The following CDH10 variants were observed in gnomAD, a reference collection of about 807,000 sequenced individuals.
CDH10 encodes cadherin 10.
In CDH10, 30 loss-of-function variants were observed where a neutral mutation model predicts 73.1. That is an observed-to-expected ratio of 0.41 (90% CI 0.31 to 0.56). The LOEUF (loss-of-function observed/expected upper bound fraction) is 0.56. Among genes scored for constraint, CDH10 ranks in the 20% least tolerant of loss-of-function variants. The pLI is 0.27. For synonymous variants in CDH10, 345 were observed against 348.2 expected (o/e 0.99, Z 0.10); for missense variants, 815 against 973.7 (o/e 0.84, Z 2.17).
intron 1 of CDH10, among the ~76,000 whole-genome samples, chr5:24,597,878 G>A (rs1746425596): frequency 6.6e-6 from 1 of 151,584 alleles, no homozygotes; most frequent in Admixed American, 6.6e-5. Flanking sequence ...GCTAATAAAA[G>A]GAATTAGTCC....
chr5:24,629,179 C>T (rs1360949191), intron 1 of CDH10, among the ~76,000 whole-genome samples: 1 of 151,970 alleles, frequency 6.6e-6, no homozygotes, highest in African/African-American at 2.4e-5. Flanking sequence ...TACCATAAGC[C>T]TACTTTAAGG....
intron 2 of CDH10, among the ~76,000 whole-genome samples, chr5:24,588,120 C>T (rs539719234): frequency 6.6e-6 from 1 of 152,266 alleles, no homozygotes; most frequent in South Asian, 2.1e-4. Flanking sequence ...TATATTCATG[C>T]AAATGTCCAC....
In CDH10 at chr5:24,492,899, G is replaced by T; in HGVS notation, c.1542C>A (p.Asp514Glu). The change falls in exon 10 of 12, where the codon GAC (aspartate) becomes GAA (glutamate). Residue 514 changes from aspartate to glutamate, a missense_variant. Asp to Glu is a conservative substitution (Grantham distance 45). Around this residue, in one of 3 missense-constraint regions of CDH10, gnomAD observed 516 missense variants for 636.6 expected, o/e 0.81. Coordinates refer to ENST00000264463, the MANE Select transcript of CDH10 (RefSeq NM_006727.5). The part of the protein sequence containing the change: ...GQLIQTISAV[D>E]KDDPLGGQKF... Reference sequence around the variant, plus strand: ...TCTGTCCACCTAAAGGGTCATCTTTGTCTACTGCACTTATAGTCTGTATTA... The same window carrying T: ...TCTGTCCACCTAAAGGGTCATCTTTTTCTACTGCACTTATAGTCTGTATTA... 1 of 1,547,890 alleles carries T rather than the reference G, an allele frequency of 6.5e-7. No homozygotes were observed. Among genetic ancestry groups the T allele is most frequent in the Non-Finnish European group, 8.9e-7 (1 of 1,120,092 alleles).
intron 2 of CDH10, among the ~76,000 whole-genome samples, chr5:24,574,008 C>G (rs750076743): frequency 3.4e-4 from 51 of 151,584 alleles, no homozygotes; most frequent in Non-Finnish European, 6.2e-4. Context: ...CCTCAACCTC[C>G]CGAGTAGCTG....
At chr5:24,614,229 T>C (rs540884253) in intron 1 of CDH10, among the ~76,000 whole-genome samples, 2 of 152,328 alleles carry the variant, frequency 1.3e-5, no homozygotes, top group African/African-American at 4.8e-5. Flanking sequence ...ATAGGCTATA[T>C]CCTTGCAATG....
chr5:24,618,294 G>A (rs1747192230), intron 1 of CDH10, among the ~76,000 whole-genome samples: 1 of 152,156 alleles, frequency 6.6e-6, no homozygotes, highest in African/African-American at 2.4e-5. Context: ...TTGTTACGAA[G>A]CAAAAGTTGA....
intron 1 of CDH10, among the ~76,000 whole-genome samples, chr5:24,596,672 T>G (rs1055624632): frequency 8.6e-5 from 13 of 151,984 alleles, no homozygotes; most frequent in African/African-American, 2.9e-4. Flanking sequence ...TTGTTTTAAT[T>G]TCAACCCTGA....
chr5:24,584,930 T>A (rs1236962856), intron 2 of CDH10, among the ~76,000 whole-genome samples: 2 of 151,542 alleles, frequency 1.3e-5, no homozygotes, highest in Admixed American at 1.3e-4. Context: ...CACTGCAGCC[T>A]CAAACTCCGA....
chr5:24,494,405 G>A (rs905988248), intron 9 of CDH10, among the ~76,000 whole-genome samples: 1 of 151,596 alleles, frequency 6.6e-6, no homozygotes, highest in Non-Finnish European at 1.5e-5. Context: ...TATTGAAGAG[G>A]AAAAAATGAC....
intron 5 of CDH10, among the ~76,000 whole-genome samples, chr5:24,517,556 G>T (rs1209784817): frequency 6.8e-6 from 1 of 147,280 alleles, no homozygotes; most frequent in Non-Finnish European, 1.5e-5. Context: ...TAATTCAGGT[G>T]ATTAAAATAC....
intron 2 of CDH10, among the ~76,000 whole-genome samples, chr5:24,545,618 C>T (rs1744310535): frequency 1.3e-5 from 2 of 151,928 alleles, no homozygotes; most frequent in Admixed American, 6.6e-5. Flanking sequence ...AGATCAAGAC[C>T]AGTCTAGGCA....
intron 2 of CDH10, chr5:24,554,183 A>G (rs2111964161): frequency 8.0e-6 from 1 of 124,636 alleles, no homozygotes; most frequent in Middle Eastern, 4.0e-3. Context: ...TTTGACTGCA[A>G]CTTCGTAAGT....
intron 2 of CDH10, among the ~76,000 whole-genome samples, chr5:24,583,372 T>A (rs1008053082): frequency 6.6e-6 from 1 of 152,104 alleles, no homozygotes; most frequent in Non-Finnish European, 1.5e-5. Context: ...TATCTGAGGA[T>A]CAAGATGAGA....
chr5:24,547,239 A>G (rs964043925), intron 2 of CDH10, among the ~76,000 whole-genome samples: 1 of 152,156 alleles, frequency 6.6e-6, no homozygotes, highest in African/African-American at 2.4e-5. Context: ...AGGATGAGGT[A>G]GGTAAGCAAC....
chr5:24,633,243 T>C (rs1044935819), intron 1 of CDH10, among the ~76,000 whole-genome samples: 5 of 151,794 alleles, frequency 3.3e-5, no homozygotes, highest in Admixed American at 1.3e-4. Context: ...TATAGGTACA[T>C]ACTAGTAAAA....
chr5:24,504,460 T>A (rs1166361358), intron 8 of CDH10, among the ~76,000 whole-genome samples: 1 of 149,786 alleles, frequency 6.7e-6, no homozygotes, highest in Non-Finnish European at 1.5e-5. Context: ...TTGTGAGAGC[T>A]CCTGTGTCAT....
At chr5:24,566,930 T>C (rs1745185794) in intron 2 of CDH10, among the ~76,000 whole-genome samples, 1 of 152,124 alleles carries the variant, frequency 6.6e-6, no homozygotes, top group African/African-American at 2.4e-5. Flanking sequence ...TCATTTAGAA[T>C]GCCTACATAT....
chr5:24,517,592 T>C (rs1743156993), intron 5 of CDH10, among the ~76,000 whole-genome samples: 1 of 152,056 alleles, frequency 6.6e-6, no homozygotes, highest in Non-Finnish European at 1.5e-5. Flanking sequence ...TTTTTGACAA[T>C]GCAAGCTAAA....
intron 5 of CDH10, among the ~76,000 whole-genome samples, chr5:24,523,484 G>A (rs1157290005): frequency 1.3e-5 from 2 of 151,906 alleles, no homozygotes; most frequent in Non-Finnish European, 2.9e-5. Context: ...GTTCTCTCCC[G>A]AAAGAGACAA....
Sources: allele counts gnomAD v4.1 joint callset (sites outside exome capture counted in the v4.1 genomes callset), GRCh38; gene constraint gnomAD v4.1.1; regional missense constraint gnomAD v4.1.1; transcripts MANE v1.5; gene names NCBI Gene and HGNC (gene_info 2026-07-23, HGNC 2026-07-21).